The following SOHLH1 variants were observed in gnomAD, a reference collection of about 807,000 sequenced individuals.
The protein encoded by SOHLH1 is spermatogenesis- and oogenesis-specific basic helix-loop-helix-containing protein 1.
In SOHLH1, 23 loss-of-function variants were observed where a neutral mutation model predicts 36.2. The ratio of observed to expected loss-of-function variants is 0.64; its 90% confidence interval spans 0.46 to 0.90. SOHLH1 has a LOEUF of 0.90. SOHLH1 is among the 40% of genes least tolerant of loss of function. The pLI, the probability that SOHLH1 is intolerant of heterozygous loss-of-function variation, is 0.00. For synonymous variants in SOHLH1, 289 were observed against 228.3 expected (o/e 1.27, Z -2.40); for missense variants, 608 against 517.0 (o/e 1.18, Z -1.71).
chr9:135,694,602 G>A (rs895665925), intron 6 of SOHLH1, 145 bp from the exon 7 acceptor site: 83 of 1,219,286 alleles, frequency 6.8e-5, no homozygotes, highest in Admixed American at 1.0e-4. Flanking sequence ...CCTGCCCAGC[G>A]GGGAGAAATG....
intron 5 of SOHLH1, 54 bp from the exon 6 acceptor site, chr9:135,695,317 C>T (rs1564297678): frequency 6.6e-7 from 1 of 1,512,570 alleles, no homozygotes; most frequent in Non-Finnish European, 9.0e-7. Context: ...CCACAGGCTG[C>T]CCCCGAGGAC....
chr9:135,697,790 TCCAC>T (rs1160165405), intron 3 of SOHLH1, among the ~76,000 whole-genome samples, 163 bp from the exon 4 acceptor site: 1 of 152,008 alleles, frequency 6.6e-6, no homozygotes, highest in Non-Finnish European at 1.5e-5. Context: ...AGGCTGAGGT[TCCAC>T]CCCCGAAAGG....
chr9:135,696,737 G>A lies in SOHLH1; in HGVS notation c.536C>T (p.Pro179Leu), dbSNP rs750623425. 3 of 1,613,050 alleles carry A rather than the reference G, an allele frequency of 1.9e-6. No homozygotes were observed. The highest frequency in any genetic ancestry group is 2.2e-5 in the South Asian group (2 of 91,086). The change falls in exon 5 of 8, where the codon CCC becomes CTC. Residue 179 changes from proline to leucine, a missense_variant. By Grantham distance (98) the Pro-to-Leu change is moderately conservative (BLOSUM62 -3). Coordinates refer to ENST00000425225, the MANE Select transcript of SOHLH1 (RefSeq NM_001101677.2). ...SLDPASASPEPVPHILASSRQ... is the reference protein window; with the variant it reads ...SLDPASASPELVPHILASSRQ... ...GGAGGACGCAAGGATGTGCGGCACG[G>A]GCTCTGGGCTGGCCGACGCTGGATC...
Position 135,699,124 on chromosome 9 carries a change from C to G in SOHLH1, c.68G>C (p.Gly23Ala), listed in dbSNP as rs201456816. 236 of 1,597,828 alleles carry G rather than the reference C, an allele frequency of 1.5e-4. 2 individuals carry two copies. The Admixed American group carries it at 1.8e-3, about 12-fold the overall frequency. The part of the protein sequence containing the change: ...SRIPTVRGCN[G>A]SLSGALSCCE... ...GCAGGAGAGGGCACCAGACAGGGAGCCGCTGCCGAGAAAGCCAAGAGCACC... is the reference window on the plus strand; with the variant it reads ...GCAGGAGAGGGCACCAGACAGGGAGGCGCTGCCGAGAAAGCCAAGAGCACC... Residue 23 changes from glycine (G) to alanine (A), a missense_variant and splice_region_variant, in exon 2 of 8, where the codon GGC becomes GCC. Transcript: ENST00000425225.
In SOHLH1 at chr9:135,699,441, G is replaced by A; in HGVS notation, c.27C>T (p.Tyr9=). The part of the protein sequence containing the change: MASRCSEP[Y]PEVSRIPTVR... Reference sequence around the variant, plus strand: ...CGGTAGGGATTCTGGAGACCTCCGGGTAGGGCTCGGAGCACCGGGACGCCA... The same window carrying A: ...CGGTAGGGATTCTGGAGACCTCCGGATAGGGCTCGGAGCACCGGGACGCCA... The change falls in exon 1 of 8, where the codon TAC becomes TAT. Residue 9 remains tyrosine (Y), a synonymous_variant. Transcript: ENST00000425225. 1 of 1,612,288 alleles carries A rather than the reference G, an allele frequency of 6.2e-7. No homozygotes were observed. The highest frequency in any genetic ancestry group is 2.2e-5 in the East Asian group (1 of 44,854).
At chr9:135,700,233 G>A (rs1333655179), upstream of SOHLH1, among the ~76,000 whole-genome samples, 1 of 152,200 alleles carries the variant, frequency 6.6e-6, no homozygotes, top group Admixed American at 6.5e-5. Context: ...AGGTTTCTGC[G>A]GGATCGCGGG....
chr9:135,699,630 C>G, upstream of SOHLH1: 1 of 755,082 alleles, frequency 1.3e-6, no homozygotes, highest in Non-Finnish European at 2.2e-6. Context: ...CCTCCCCACG[C>G]AGCCAGCCCG....
chr9:135,693,922 C>T, intron 7 of SOHLH1, 108 bp from the exon 8 acceptor site: 2 of 1,462,272 alleles, frequency 1.4e-6, no homozygotes, highest in Non-Finnish European at 1.8e-6. Context: ...GTCTGCCCTG[C>T]CCTGTCCCCG....
Position 135,697,577 on chromosome 9 carries a change from T to C in SOHLH1, c.396A>G (p.Leu132=). Residue 132 remains leucine, a synonymous_variant, in exon 4 of 8, where the codon TTA becomes TTG. Transcript: ENST00000425225. The stretch of plus-strand genomic sequence containing the variant: ...GAATCTGACTCGACAACGTCAACTG[T>C]AAAACATCCTCCTGCAACGAGTGCC... ...EMWHSLQEDV[L]QLTLSSQIQA... The C allele has an allele frequency of 6.2e-7, 1 of 1,612,636 alleles. No individual in the cohort carries two copies. Among genetic ancestry groups the C allele is most frequent in the Non-Finnish European group, 8.5e-7 (1 of 1,179,738 alleles).
At chr9:135,696,583 G>C in intron 5 of SOHLH1, 29 bp downstream of exon 5, 4 of 1,610,296 alleles carry the variant, frequency 2.5e-6, no homozygotes, top group Non-Finnish European at 3.4e-6. Flanking sequence ...CCAGGCCAAA[G>C]GCACCCCACA....
At chr9:135,694,190 A>G (rs1481824892) in intron 7 of SOHLH1, 197 bp downstream of exon 7, 3 of 1,440,038 alleles carry the variant, frequency 2.1e-6, no homozygotes, top group Admixed American at 5.4e-5. Context: ...CATCACGTTC[A>G]CTCACACACT....
At position 135,699,065 on chromosome 9, in the gene SOHLH1, T is replaced by C. The variant is rs373072378; in HGVS notation, c.127A>G (p.Lys43Glu). Residue 43 changes from lysine to glutamate, a missense_variant, in exon 2 of 8, where the codon AAG becomes GAG. Physicochemically the swap from Lys to Glu is moderately conservative, Grantham distance 56. Transcript: ENST00000425225. The stretch of plus-strand genomic sequence containing the variant: ...GGACCCTCGGCCACCGTAGGGGCCT[T>C]GGGCGGGCCCGAGCCCCGGGCCGAG... Reference protein sequence around the residue: ...EDSARGSGPPKAPTVAEGPSS... With the variant: ...EDSARGSGPPEAPTVAEGPSS... 33 of 1,610,876 alleles carry C rather than the reference T, an allele frequency of 2.0e-5. No homozygotes were observed. The African/African-American group carries it at 3.1e-4, about 15-fold the overall frequency.
intron 6 of SOHLH1, 58 bp from the exon 7 acceptor site, chr9:135,694,515 AG>A: frequency 6.3e-7 from 1 of 1,598,394 alleles, no homozygotes; most frequent in Non-Finnish European, 8.5e-7. Context: ...TTGGAGCTCA[AG>A]GAAACATTTG....
chr9:135,699,671 A>C (rs1834967272), upstream of SOHLH1: 2 of 646,684 alleles, frequency 3.1e-6, no homozygotes, highest in Admixed American at 2.2e-5. Flanking sequence ...CCTGCAAAGA[A>C]GGTGCTGGAA....
At chr9:135,701,584 C>CT (rs1469149571), upstream of SOHLH1, among the ~76,000 whole-genome samples, 1 of 152,234 alleles carries the variant, frequency 6.6e-6, no homozygotes, top group Non-Finnish European at 1.5e-5. Flanking sequence ...GTTGGGGCCC[C>CT]TCCCCACCCG....
chr9:135,699,268 A>AC (rs1321701678), intron 1 of SOHLH1, 135 bp downstream of exon 1: 4 of 1,496,008 alleles, frequency 2.7e-6, no homozygotes, highest in Non-Finnish European at 3.6e-6. Flanking sequence ...CCCTCTCTGC[A>AC]CCCCTTCCCC....
chr9:135,699,242 T>A (rs1295268378), intron 1 of SOHLH1, 116 bp from the exon 2 acceptor site: 1 of 1,519,738 alleles, frequency 6.6e-7, no homozygotes, highest in Non-Finnish European at 8.9e-7. Flanking sequence ...CTGGGTCACG[T>A]AGGGACACGG....
At chr9:135,698,300 G>A (rs368412161) in intron 3 of SOHLH1, 29 bp downstream of exon 3, 58 of 1,612,614 alleles carry the variant, frequency 3.6e-5, no homozygotes, top group Non-Finnish European at 4.7e-5. Context: ...GATGCCGGAG[G>A]ACTGACGGCG....
intron 4 of SOHLH1, among the ~76,000 whole-genome samples, chr9:135,697,094 G>A (rs1358119689): frequency 1.3e-5 from 2 of 152,222 alleles, no homozygotes. Context: ...TTAAACACAA[G>A]ATGCAGACAG....
Sources: gnomAD v4.1 joint callset for allele counts (sites outside exome capture counted in the v4.1 genomes callset) on GRCh38, gnomAD v4.1.1 for gene constraint, MANE v1.5 for transcripts, NCBI Gene and HGNC (gene_info 2026-07-23, HGNC 2026-07-21) for gene names.